The following TNIK variants were observed in gnomAD, a reference collection of about 807,000 sequenced individuals.
TNIK encodes the protein TRAF2 and NCK-interacting protein kinase.
TNIK carries 49 observed loss-of-function variants against 191.3 expected under a neutral mutation model. The observed-to-expected ratio is 0.26, with a 90% CI of 0.20 to 0.32. The LOEUF is 0.32. Among genes scored for constraint, TNIK ranks in the 10% least tolerant of loss-of-function variants. TNIK has a pLI of 1.00. For missense variants in TNIK, 1,155 were observed against 1,702.3 expected (o/e 0.68, Z 5.66); for synonymous variants, 594 against 600.9 (o/e 0.99, Z 0.17).
rs543225976 is a variant in TNIK, at chr3:171,152,710, G to T, written c.1221+4750C>A. Among the ~76,000 whole-genome samples, 9 of 152,214 alleles carry T rather than the reference G, an allele frequency of 5.9e-5. No homozygotes were observed. In the East Asian group the frequency reaches 1.7e-3, roughly 29 times the overall value. ...GCAGGTTGCTTCCCTTCCCAGAAAAGACAGGAAATGAAAGAATTTCTAGGG... is the reference window on the plus strand; with the variant it reads ...GCAGGTTGCTTCCCTTCCCAGAAAATACAGGAAATGAAAGAATTTCTAGGG... On this transcript the variant is annotated intron_variant, in intron 12 of 32. Coordinates refer to ENST00000436636, the MANE Select transcript of TNIK (RefSeq NM_015028.4).
intron 2 of TNIK, among the ~76,000 whole-genome samples, chr3:171,297,970 C>T (rs1752491867): frequency 6.6e-6 from 1 of 152,200 alleles, no homozygotes; most frequent in African/African-American, 2.4e-5. Context: ...CATTTCATTT[C>T]CTCCAAGAAA....
At chr3:171,102,840 C>T (rs948308130) in intron 21 of TNIK, among the ~76,000 whole-genome samples, 3 of 152,106 alleles carry the variant, frequency 2.0e-5, no homozygotes, top group Admixed American at 6.6e-5. Flanking sequence ...CCATCCTAAT[C>T]GGTTAAAAGA....
chr3:171,271,714 C>T (rs1749125504), intron 2 of TNIK, among the ~76,000 whole-genome samples: 1 of 152,140 alleles, frequency 6.6e-6, no homozygotes, highest in South Asian at 2.1e-4. Context: ...ATGTCTTAAT[C>T]ATGTCTAAAT....
intron 1 of TNIK, among the ~76,000 whole-genome samples, chr3:171,452,697 T>C (rs946146426): frequency 1.0e-4 from 15 of 150,548 alleles, no homozygotes; most frequent in African/African-American, 3.5e-4. Context: ...ATAAGTATTA[T>C]CCGATTGTTG....
chr3:171,341,951 T>G (rs921446753), intron 2 of TNIK, among the ~76,000 whole-genome samples: 4 of 152,212 alleles, frequency 2.6e-5, no homozygotes, highest in African/African-American at 9.6e-5. Context: ...TATTCCTTCA[T>G]ATCCATGTAT....
At chr3:171,355,377 T>G (rs1392634173) in intron 2 of TNIK, among the ~76,000 whole-genome samples, 1 of 152,180 alleles carries the variant, frequency 6.6e-6, no homozygotes, top group Non-Finnish European at 1.5e-5. Context: ...AAGTGTCTCT[T>G]CATAAGTTCA....
intron 7 of TNIK, among the ~76,000 whole-genome samples, chr3:171,182,167 ATTTTTTTTTTTT>A (rs749734562): frequency 5.9e-4 from 39 of 65,624 alleles, no homozygotes; most frequent in Admixed American, 1.6e-3. Context: ...CATTGTTAGG[ATTTTTTTTTTTT>A]TTTTTTTTTT....
At chr3:171,203,809 G>A (rs901196530) in intron 4 of TNIK, among the ~76,000 whole-genome samples, 4 of 152,182 alleles carry the variant, frequency 2.6e-5, no homozygotes, top group East Asian at 1.9e-4. Context: ...TCCTTAAAAC[G>A]CACACGGTAT....
chr3:171,079,201 ATTTCT>A (rs1421915140), intron 28 of TNIK, among the ~76,000 whole-genome samples: 1 of 151,896 alleles, frequency 6.6e-6, no homozygotes, highest in African/African-American at 2.4e-5. Context: ...TTTTACCGAC[ATTTCT>A]TCTCTTCTCT....
intron 1 of TNIK, among the ~76,000 whole-genome samples, chr3:171,397,689 A>T (rs1197148519): frequency 2.0e-5 from 3 of 152,224 alleles, no homozygotes; most frequent in African/African-American, 7.2e-5. Context: ...TAATATGTTT[A>T]TATCTTAAAG....
At chr3:171,323,303 G>A (rs1755372655) in intron 2 of TNIK, among the ~76,000 whole-genome samples, 1 of 152,128 alleles carries the variant, frequency 6.6e-6, no homozygotes, top group South Asian at 2.1e-4. Flanking sequence ...AGTATGCTGG[G>A]GGGCAGGAGT....
At chr3:171,186,186 C>T (rs1737348677) in intron 7 of TNIK, among the ~76,000 whole-genome samples, 1 of 152,080 alleles carries the variant, frequency 6.6e-6, no homozygotes, top group African/African-American at 2.4e-5. Context: ...TCAAGTTGTC[C>T]CCTGGTGACA....
chr3:171,210,973 T>G (rs764228239), intron 4 of TNIK, 143 bp downstream of exon 4: 2 of 1,075,446 alleles, frequency 1.9e-6, no homozygotes, highest in African/African-American at 1.6e-5. Flanking sequence ...GAGAAAACCC[T>G]GAAAACAATA....
rs550907169 is a variant in TNIK at position 171,360,361 on chromosome 3, A to T, written c.123+9259T>A. 5.9e-5 allele frequency among the ~76,000 whole-genome samples: 9 copies of T among 152,340 alleles called. No individual in the cohort carries two copies. In the South Asian group the frequency reaches 1.9e-3, roughly 32 times the overall value. ...AATCATTTTGCTAATGGTTTAGAGT[A>T]TTGCTGTAACAGTTTTGCAGTTGGA... On this transcript the variant is annotated intron_variant, in intron 2 of 32. Coordinates refer to ENST00000436636, the MANE Select transcript of TNIK (RefSeq NM_015028.4).
At position 171,341,355 on chromosome 3, in the gene TNIK, G is replaced by A. The variant is rs565190841; in HGVS notation, c.123+28265C>T. Among the ~76,000 whole-genome samples the A allele has an allele frequency of 9.3e-5, 14 of 151,126 alleles. No homozygotes were observed. In the South Asian group the frequency reaches 2.7e-3, roughly 30 times the overall value. On this transcript the variant is annotated intron_variant, in intron 2 of 32. Coordinates refer to ENST00000436636, the MANE Select transcript of TNIK (RefSeq NM_015028.4). ...AGGTCTGGTGGCACAGGCTGTAATCGTAGCTATTTGGGAGGCTGAGGCAGG... is the reference window on the plus strand; with the variant it reads ...AGGTCTGGTGGCACAGGCTGTAATCATAGCTATTTGGGAGGCTGAGGCAGG...
At chr3:171,146,708 G>A (rs1731641456) in intron 12 of TNIK, among the ~76,000 whole-genome samples, 1 of 152,058 alleles carries the variant, frequency 6.6e-6, no homozygotes, top group Non-Finnish European at 1.5e-5. Flanking sequence ...TGGCCAACAT[G>A]GTGAAAACCC....
chr3:171,300,006 T>TA (rs369251131), intron 2 of TNIK, among the ~76,000 whole-genome samples: 17 of 152,336 alleles, frequency 1.1e-4, no homozygotes, highest in African/African-American at 4.1e-4. Context: ...TCCTGAATAT[T>TA]AATAAACACG....
chr3:171,278,302 C>T (rs1020462433), intron 2 of TNIK, among the ~76,000 whole-genome samples: 7 of 152,122 alleles, frequency 4.6e-5, no homozygotes, highest in African/African-American at 9.7e-5. Context: ...CTTTTAATTG[C>T]TACATGCTGT....
At chr3:171,392,792 A>AAAAG (rs1178648663) in intron 1 of TNIK, among the ~76,000 whole-genome samples, 46 of 150,624 alleles carry the variant, frequency 3.1e-4, no homozygotes, top group African/African-American at 3.9e-4. Context: ...AAAAAAAAAA[A>AAAAG]AAAGAAAAGA....
Sources: allele counts gnomAD v4.1 joint callset (sites outside exome capture counted in the v4.1 genomes callset), GRCh38; gene constraint gnomAD v4.1.1; transcripts MANE v1.5; gene names NCBI Gene and HGNC (gene_info 2026-07-23, HGNC 2026-07-21).